Variants in KCNG2 observed in about 807,000 individuals in gnomAD.
The protein encoded by KCNG2 is potassium voltage-gated channel modifier subfamily G member 2.
KCNG2 carries 7 observed loss-of-function variants against 12.3 expected under a neutral mutation model. The observed-to-expected ratio is 0.57, with a 90% CI of 0.32 to 1.07. The LOEUF is 1.07. KCNG2 is among the 50% of genes least tolerant of loss of function. KCNG2 has a pLI of 0.04. For missense variants in KCNG2, 703 were observed against 726.0 expected, an observed-to-expected ratio of 0.97 and a Z score of 0.36; for synonymous variants, 414 against 351.4, an observed-to-expected ratio of 1.18 and a Z score of -1.99.
At chr18:79,895,954 C>T (rs1477254259) in intron 3 of KCNG2, among the ~76,000 whole-genome samples, 1 of 152,160 alleles carries the variant, frequency 6.6e-6, no homozygotes, top group African/African-American at 2.4e-5. Context: ...TTTAATTCCA[C>T]TAATTAGATA....
At chr18:79,825,789 G>A (rs547091675) in intron 1 of KCNG2, among the ~76,000 whole-genome samples, 83 of 152,296 alleles carry the variant, frequency 5.4e-4, no homozygotes, top group African/African-American at 1.9e-3. Flanking sequence ...AAAATTACCT[G>A]TATCGTCTGG....
At chr18:79,869,270 TG>T (rs5826677) in intron 3 of KCNG2, among the ~76,000 whole-genome samples, 53,581 of 151,940 alleles carry the variant, frequency 0.35, 11,215 homozygotes, top group Non-Finnish European at 0.45. Context: ...TAGCTCCCTG[TG>T]GGGAGGGCTC....
At chr18:79,828,874 G>A (rs1353282198) in intron 1 of KCNG2, among the ~76,000 whole-genome samples, 1 of 140,060 alleles carries the variant, frequency 7.1e-6, no homozygotes, top group Non-Finnish European at 1.5e-5. Context: ...GTGTCTATGT[G>A]TGCGTGTATG....
intron 3 of KCNG2, among the ~76,000 whole-genome samples, chr18:79,865,575 GGGT>G (rs1979467532): frequency 7.2e-6 from 1 of 139,064 alleles, no homozygotes; most frequent in African/African-American, 2.7e-5. Flanking sequence ...TGAGAGGTCT[GGGT>G]ATGAGGTCTG....
chr18:79,865,916 T>C lies in KCNG2; in HGVS notation c.624+1625T>C, dbSNP rs1568262313. 1.7e-5 allele frequency among the ~76,000 whole-genome samples: 2 copies of C among 119,436 alleles called. 1 individual carries two copies. The highest frequency in any genetic ancestry group is 3.7e-5 in the Non-Finnish European group (2 of 53,374). The allele number at this position is 119,436 out of a possible 152,430, so 78.4% of individuals were successfully genotyped here. A position where few individuals can be genotyped will look rare whatever the true frequency, so the allele number is the denominator to read the frequency against. ...AGTCTGTGCTGAGAGGTCTGTGTGC[T>C]GAGAGATCTGGGTGCTGAGGTCTGG... is the stretch of plus-strand genomic sequence containing the variant. On this transcript the variant is annotated intron_variant, in intron 3 of 3. Coordinates refer to ENST00000316249, the MANE Select transcript of KCNG2 (RefSeq NM_012283.2).
In KCNG2 at chr18:79,864,185, G is replaced by A. The variant is rs1395703264; in HGVS notation, c.518G>A (p.Gly173Glu). The A allele has an allele frequency of 6.5e-7, 1 of 1,526,926 alleles. No homozygotes were observed. The highest frequency in any genetic ancestry group is 1.2e-5 in the South Asian group (1 of 86,678). 94.6% of individuals were successfully genotyped at this position (1,526,926 alleles called of 1,614,324 possible). A position where few individuals can be genotyped will look rare whatever the true frequency, so the allele number is the denominator to read the frequency against. ...LRDVVDNPHS[G>E]LAGKLFACVS... ...GACGTGGTGGACAACCCGCACTCGG[G>A]GCTGGCGGGCAAGCTCTTCGCCTGC... Residue 173 changes from glycine to glutamate, a missense_variant, in exon 3 of 4, where the codon GGG becomes GAG. Gly to Glu is a moderately conservative substitution (Grantham distance 98). Coordinates refer to ENST00000316249, the MANE Select transcript of KCNG2 (RefSeq NM_012283.2).
chr18:79,814,360 A>G (rs2087513258), intron 1 of KCNG2, among the ~76,000 whole-genome samples: 1 of 152,268 alleles, frequency 6.6e-6, no homozygotes, highest in Non-Finnish European at 1.5e-5. Flanking sequence ...ACCCTTCCAC[A>G]GGTGATAGTT....
chr18:79,817,171 T>C (rs933207708), intron 1 of KCNG2, among the ~76,000 whole-genome samples: 3 of 152,002 alleles, frequency 2.0e-5, no homozygotes, highest in Non-Finnish European at 4.4e-5. Flanking sequence ...CATACAGCTG[T>C]CACACGGCTG....
At chr18:79,812,035 G>A (rs1231815740) in intron 1 of KCNG2, among the ~76,000 whole-genome samples, 2 of 151,728 alleles carry the variant, frequency 1.3e-5, no homozygotes, top group African/African-American at 2.4e-5. Context: ...AGAAAGAGTG[G>A]GGCTGAAAAA....
At chr18:79,867,453 TG>T (rs10716602) in intron 3 of KCNG2, among the ~76,000 whole-genome samples, 72,915 of 102,160 alleles carry the variant, frequency 0.71, 26,908 homozygotes, top group South Asian at 0.85. Flanking sequence ...TGTCGTGTCT[TG>T]GGGGGGGGAC....
At chr18:79,888,402 C>T (rs1476874523) in intron 3 of KCNG2, among the ~76,000 whole-genome samples, 2 of 151,088 alleles carry the variant, frequency 1.3e-5, no homozygotes, top group African/African-American at 2.4e-5. Flanking sequence ...GGGGCCGGGA[C>T]GGCGGCGTCC....
At position 79,822,113 on chromosome 18, in the gene KCNG2, C is replaced by T. The variant is rs2087575173; in HGVS notation, c.-115+24099C>T. 1.3e-5 allele frequency among the ~76,000 whole-genome samples: 2 copies of T among 152,084 alleles called. No homozygotes were observed. Among genetic ancestry groups the T allele is most frequent in the African/African-American group, 4.8e-5 (2 of 41,406 alleles). On this transcript the variant is annotated intron_variant, in intron 1 of 3. Coordinates refer to ENST00000316249, the MANE Select transcript of KCNG2 (RefSeq NM_012283.2). The surrounding 1 kb of genome is among the most constrained non-coding windows in gnomAD (Gnocchi z 4.4). Reference sequence around the variant, plus strand: ...ATTCAGACTCAAGGTGCCTTTTGTACCATTGTCCTGGGGTTTAAGCAGGAA... The same window carrying T: ...ATTCAGACTCAAGGTGCCTTTTGTATCATTGTCCTGGGGTTTAAGCAGGAA...
At chr18:79,883,064 C>T (rs1005824390) in intron 3 of KCNG2, among the ~76,000 whole-genome samples, 8 of 152,376 alleles carry the variant, frequency 5.3e-5, no homozygotes, top group African/African-American at 1.9e-4. Context: ...CGGACCGCGA[C>T]GGCCGGTGCC....
At chr18:79,832,172 A>ATCCTCACCTGCCCTTTCTCACCCCTCCT (rs1978299737) in intron 1 of KCNG2, among the ~76,000 whole-genome samples, 2 of 150,990 alleles carry the variant, frequency 1.3e-5, no homozygotes, top group African/African-American at 2.4e-5. Context: ...TCAGCTGCCC[A>ATCCTCACCTGCCCTTTCTCACCCCTCCT]TCCTCACCTG....
chr18:79,800,056 G>C lies in KCNG2; in HGVS notation c.-115+2042G>C, dbSNP rs553449235. 1.1e-4 allele frequency among the ~76,000 whole-genome samples: 17 copies of C among 152,228 alleles called. No homozygotes were observed. Among genetic ancestry groups the C allele is most frequent in the Non-Finnish European group, 1.2e-4 (8 of 68,038 alleles). ...ATGGTTGGGGGCTGCTTTTCTGGAA[G>C]AAGTGGGTCTCAGGCAGGCACCTGG... On this transcript the variant is annotated intron_variant, in intron 1 of 3. Transcript: ENST00000316249. The surrounding 1 kb of genome is among the most constrained non-coding windows in gnomAD (Gnocchi z 4.0).
In KCNG2 at chr18:79,899,747, G is replaced by A. The variant is rs752211575; in HGVS notation, c.1332G>A (p.Ser444=). 7.6e-6 allele frequency: 12 copies of A among 1,585,676 alleles called. No homozygotes were observed. Among genetic ancestry groups the A allele is most frequent in the Non-Finnish European group, 1.0e-5 (12 of 1,170,728 alleles). Reference sequence around the variant, plus strand: ...CGGCCACAGCCACCGAGGACAGCTCGCAGGGCCCCGACAGCGCGGGCCTGG... The same window carrying A: ...CGGCCACAGCCACCGAGGACAGCTCACAGGGCCCCGACAGCGCGGGCCTGG... ...THSATATEDS[S]QGPDSAGLAD... The change falls in exon 4 of 4, where the codon TCG becomes TCA. Residue 444 remains serine, a synonymous_variant. Transcript: ENST00000316249.
chr18:79,892,050 G>A (rs1980760389), intron 3 of KCNG2, among the ~76,000 whole-genome samples: 1 of 151,758 alleles, frequency 6.6e-6, no homozygotes, highest in Non-Finnish European at 1.5e-5. Flanking sequence ...GGGAGGCAGA[G>A]GTTGCAGTGA....
Position 79,863,609 on chromosome 18 carries a change from C to T in KCNG2, c.-40-19C>T, listed in dbSNP as rs939758734. On this transcript the variant is annotated intron_variant, in intron 2 of 3. Coordinates refer to ENST00000316249, the MANE Select transcript of KCNG2 (RefSeq NM_012283.2). ...CAGCTCAGCCCTCGCGACCCTAACGCGGTCCGTTCCTTTTGCAGGAGCCGG... is the reference window on the plus strand; with the variant it reads ...CAGCTCAGCCCTCGCGACCCTAACGTGGTCCGTTCCTTTTGCAGGAGCCGG... The T allele has an allele frequency of 1.8e-4, 219 of 1,185,866 alleles. No individual in the cohort carries two copies. Among genetic ancestry groups the T allele is most frequent in the Non-Finnish European group, 2.2e-4 (206 of 956,760 alleles). The allele number at this position is 1,185,866 out of a possible 1,614,324, so 73.5% of individuals were successfully genotyped here.
chr18:79,825,334 C>T (rs1160422852), intron 1 of KCNG2, among the ~76,000 whole-genome samples: 1 of 152,192 alleles, frequency 6.6e-6, no homozygotes, highest in Non-Finnish European at 1.5e-5. Flanking sequence ...AAGGAAGACA[C>T]TTGAAGAATG....
Sources: gnomAD v4.1 joint callset for allele counts (sites outside exome capture counted in the v4.1 genomes callset) on GRCh38, gnomAD v4.1.1 for gene constraint, Gnocchi (gnomAD v3.1) non-coding constraint, MANE v1.5 for transcripts, NCBI Gene and HGNC (gene_info 2026-07-23, HGNC 2026-07-21) for gene names.